Variants in POU6F2 observed in about 807,000 individuals in gnomAD.
The protein encoded by POU6F2 is POU domain, class 6, transcription factor 2.
In POU6F2, 31 loss-of-function variants were observed where a neutral mutation model predicts 71.3. That is an observed-to-expected ratio of 0.43 (90% CI 0.33 to 0.59). POU6F2 has a LOEUF of 0.59. POU6F2 is among the 20% of genes least tolerant of loss of function. The pLI, the probability that POU6F2 is intolerant of heterozygous loss-of-function variation, is 0.04. For synonymous variants in POU6F2, 347 were observed against 355.7 expected, an observed-to-expected ratio of 0.98 and a Z score of 0.27; for missense variants, 783 against 856.8, an observed-to-expected ratio of 0.91 and a Z score of 1.07.
intron 5 of POU6F2, among the ~76,000 whole-genome samples, chr7:39,376,510 G>A (rs1418198815): frequency 1.3e-5 from 2 of 152,082 alleles, no homozygotes; most frequent in Non-Finnish European, 2.9e-5. Context: ...TGCTGTGCTT[G>A]GTGCTGAAAA....
At chr7:39,271,742 C>T (rs1050027776) in intron 4 of POU6F2, among the ~76,000 whole-genome samples, 1 of 152,180 alleles carries the variant, frequency 6.6e-6, no homozygotes, top group African/African-American at 2.4e-5. Flanking sequence ...AACATTATCT[C>T]TGCCAGGAGG....
chr7:39,403,719 C>T (rs1248734629), intron 5 of POU6F2, among the ~76,000 whole-genome samples: 3 of 152,226 alleles, frequency 2.0e-5, no homozygotes, highest in South Asian at 2.1e-4. Flanking sequence ...GAGAAGAACA[C>T]GTGTGGTTTC....
intron 9 of POU6F2, among the ~76,000 whole-genome samples, chr7:39,461,629 G>A (rs1788951789): frequency 6.6e-6 from 1 of 152,194 alleles, no homozygotes; most frequent in South Asian, 2.1e-4. Flanking sequence ...AAGGACGGAA[G>A]TGTACTTTTC....
intron 5 of POU6F2, among the ~76,000 whole-genome samples, chr7:39,361,846 G>C (rs922386330): frequency 2.0e-5 from 3 of 152,194 alleles, no homozygotes; most frequent in Non-Finnish European, 4.4e-5. Flanking sequence ...ACAAATGTTT[G>C]AGCTCGGGTG....
intron 4 of POU6F2, among the ~76,000 whole-genome samples, chr7:39,295,840 C>T (rs1784835988): frequency 6.6e-6 from 1 of 152,098 alleles, no homozygotes; most frequent in Non-Finnish European, 1.5e-5. Flanking sequence ...GAGAATTAAC[C>T]CAGTTTTATT....
intron 4 of POU6F2, among the ~76,000 whole-genome samples, chr7:39,244,306 G>A (rs1783781660): frequency 6.6e-6 from 1 of 152,192 alleles, no homozygotes; most frequent in African/African-American, 2.4e-5. Flanking sequence ...CCATGCCCAC[G>A]CTGCAAAAAC....
intron 1 of POU6F2, among the ~76,000 whole-genome samples, chr7:39,016,444 G>T (rs1378715793): frequency 6.6e-6 from 1 of 151,582 alleles, no homozygotes; most frequent in Non-Finnish European, 1.5e-5. Flanking sequence ...CACAGTTTCT[G>T]CTCCAAAAAG....
At chr7:39,103,880 C>G (rs1406805736) in intron 2 of POU6F2, among the ~76,000 whole-genome samples, 1 of 152,160 alleles carries the variant, frequency 6.6e-6, no homozygotes, top group Admixed American at 6.5e-5. Flanking sequence ...CCAGGTAGGG[C>G]AAACATCATG....
chr7:39,107,728 C>A (rs918160188), intron 2 of POU6F2, among the ~76,000 whole-genome samples: 1 of 152,084 alleles, frequency 6.6e-6, no homozygotes, highest in African/African-American at 2.4e-5. Context: ...TCCTTATTGC[C>A]CTTGGGCCCT....
At chr7:39,444,326 A>G (rs3819418) in intron 7 of POU6F2, among the ~76,000 whole-genome samples, 50,588 of 152,112 alleles carry the variant, frequency 0.33, 9,359 homozygotes, top group East Asian at 0.58. Flanking sequence ...GCTCGCGCCT[A>G]TAATCCCAGC....
At chr7:39,128,419 AG>A (rs1792188351) in intron 2 of POU6F2, among the ~76,000 whole-genome samples, 1 of 152,210 alleles carries the variant, frequency 6.6e-6, no homozygotes, top group African/African-American at 2.4e-5. Flanking sequence ...ATTGCATGTT[AG>A]GGTGGTGCAG....
rs138598517 is a variant in POU6F2 at position 39,000,805 on chromosome 7, T to C, written c.105+22747T>C. Among the ~76,000 whole-genome samples, 7 of 152,326 alleles carry C rather than the reference T, an allele frequency of 4.6e-5. No individual in the cohort carries two copies. In the East Asian group the frequency reaches 1.3e-3, roughly 29 times the overall value. ...TCTCTGCCCCATGCAGAGGGTCTCCTGTGCACTGTTGGTCCTTCCTTATCA... is the reference window on the plus strand; with the variant it reads ...TCTCTGCCCCATGCAGAGGGTCTCCCGTGCACTGTTGGTCCTTCCTTATCA... On this transcript the variant is annotated intron_variant, in intron 1 of 9. Coordinates refer to ENST00000518318, the MANE Select transcript of POU6F2 (RefSeq NM_001370959.1).
At chr7:39,321,709 G>A (rs1292234004) in intron 4 of POU6F2, among the ~76,000 whole-genome samples, 4 of 152,118 alleles carry the variant, frequency 2.6e-5, no homozygotes, top group African/African-American at 7.2e-5. Flanking sequence ...AAGTTCAATT[G>A]TGTGCACATT....
intron 4 of POU6F2, among the ~76,000 whole-genome samples, chr7:39,215,625 A>G (rs1371643427): frequency 6.6e-6 from 1 of 152,200 alleles, no homozygotes; most frequent in Non-Finnish European, 1.5e-5. Context: ...CTTAGGACAT[A>G]GCAATAAACA....
At chr7:39,268,100 C>T (rs1291429562) in intron 4 of POU6F2, among the ~76,000 whole-genome samples, 1 of 152,092 alleles carries the variant, frequency 6.6e-6, no homozygotes, top group Non-Finnish European at 1.5e-5. Context: ...CAATTTCAGC[C>T]CCTGAGATAA....
intron 1 of POU6F2, among the ~76,000 whole-genome samples, chr7:39,019,575 A>G (rs1164495146): frequency 6.6e-6 from 1 of 151,616 alleles, no homozygotes; most frequent in East Asian, 1.9e-4. Flanking sequence ...ACCTCTTTCT[A>G]GAGCTACTAG....
chr7:39,091,596 T>A (rs1791363927), intron 2 of POU6F2, among the ~76,000 whole-genome samples: 1 of 152,200 alleles, frequency 6.6e-6, no homozygotes. Flanking sequence ...ATGTCTTGGA[T>A]GTTTCTGACT....
chr7:39,301,846 T>A (rs1342779354), intron 4 of POU6F2, among the ~76,000 whole-genome samples: 2 of 152,186 alleles, frequency 1.3e-5, no homozygotes, highest in Non-Finnish European at 2.9e-5. Context: ...TTTTCCAACT[T>A]AATCACACAG....
At position 39,339,842 on chromosome 7, in the gene POU6F2, C is replaced by G; in HGVS notation, c.799C>G (p.Pro267Ala). Residue 267 changes from proline to alanine, a missense_variant, in exon 5 of 10, where the codon CCT becomes GCT. By Grantham distance (27) the Pro-to-Ala change is conservative. Around this residue, in one of 2 missense-constraint regions of POU6F2, gnomAD observed 572 missense variants for 572.9 expected, o/e 1.00. Coordinates refer to ENST00000518318, the MANE Select transcript of POU6F2 (RefSeq NM_001370959.1). ...PPPASQQPPAPTSQLQQAPQP... is the reference protein window; with the variant it reads ...PPPASQQPPAATSQLQQAPQP... ...ACCCGCCTCTCAGCAGCCGCCAGCT[C>G]CTACATCTCAGCTGCAACAGGCGCC... The G allele has an allele frequency of 1.2e-6, 2 of 1,603,792 alleles. No homozygotes were observed. The highest frequency in any genetic ancestry group is 8.5e-7 in the Non-Finnish European group (1 of 1,175,046).
Sources: gnomAD v4.1 joint callset for allele counts (sites outside exome capture counted in the v4.1 genomes callset) on GRCh38, gnomAD v4.1.1 for gene constraint, gnomAD v4.1.1 regional missense constraint, MANE v1.5 for transcripts, NCBI Gene and HGNC (gene_info 2026-07-23, HGNC 2026-07-21) for gene names.